Variants in CEP290 observed in about 807,000 individuals in gnomAD.
CEP290 encodes centrosomal protein 290, also known as centrosomal protein of 290 kDa.
Under a neutral mutation model 344.9 loss-of-function variants are expected in CEP290, and 317 were observed. That is an observed-to-expected ratio of 0.92 (90% CI 0.84 to 1.01). The LOEUF is 1.01. CEP290 is among the 50% of genes least tolerant of loss of function. The probability of loss-of-function intolerance (pLI) is 0.00; values close to 1 mark genes in which losing one functional copy is unlikely to be tolerated. For synonymous variants in CEP290, 932 were observed against 895.8 expected (o/e 1.04, Z -0.72); for missense variants, 2,754 against 2,761.4 (o/e 1.00, Z 0.06).
chr12:88,051,807 C>T (rs2033567927), intron 52 of CEP290: 1 of 152,068 alleles, frequency 6.6e-6, no homozygotes, highest in Admixed American at 6.6e-5. Context: ...ATTTTCCTCA[C>T]ATCAACAGCA....
chr12:88,130,481 C>T, intron 8 of CEP290, 61 bp from the exon 9 acceptor site: 1 of 1,594,778 alleles, frequency 6.3e-7, no homozygotes, highest in Non-Finnish European at 8.5e-7. Context: ...AAATCATATC[C>T]TCTAAATAGT....
chr12:88,075,882 C>T lies in CEP290; in HGVS notation c.5709+1340G>A, dbSNP rs60402355. ...GATGTGATGGCTTACAAAAGACTTC[C>T]GCATATCATATCATTTTATGTAAAA... is the stretch of plus-strand genomic sequence containing the variant. On this transcript the variant is annotated intron_variant, in intron 41 of 53. Coordinates refer to ENST00000552810, the MANE Select transcript of CEP290 (RefSeq NM_025114.4). Among the ~76,000 whole-genome samples, 1,244 of 152,124 alleles carry T rather than the reference C, an allele frequency of 8.2e-3. 21 individuals are homozygous for T. The highest frequency in any genetic ancestry group is 0.029 in the African/African-American group (1,194 of 41,510).
At chr12:88,116,271 G>C (rs1446472643) in intron 18 of CEP290, among the ~76,000 whole-genome samples, 1 of 152,124 alleles carries the variant, frequency 6.6e-6, no homozygotes, top group Non-Finnish European at 1.5e-5. Flanking sequence ...TAGATTTCTT[G>C]AAGACTGCAG....
In CEP290 at chr12:88,116,708, C is replaced by G. The variant is rs565847579; in HGVS notation, c.1824+325G>C. Among the ~76,000 whole-genome samples, 43 of 152,318 alleles carry G rather than the reference C, an allele frequency of 2.8e-4. 1 individual carries two copies. Among genetic ancestry groups the G allele is most frequent in the African/African-American group, 9.9e-4 (41 of 41,576 alleles). Reference sequence around the variant, plus strand: ...ATATTTTCCTGGCCGGGCGCGGTGGCTCACGCCTGTAATCCCAGCACTTTG... The same window carrying G: ...ATATTTTCCTGGCCGGGCGCGGTGGGTCACGCCTGTAATCCCAGCACTTTG... On this transcript the variant is annotated intron_variant, in intron 18 of 53. Transcript: ENST00000552810.
At chr12:88,089,949 A>T (rs1306519140) in intron 30 of CEP290, among the ~76,000 whole-genome samples, 6 of 151,660 alleles carry the variant, frequency 4.0e-5, no homozygotes, top group African/African-American at 1.5e-4. Context: ...CTGGTCTCGA[A>T]CTCCTGACCT....
chr12:88,108,799 G>C (rs1375700171), intron 23 of CEP290, among the ~76,000 whole-genome samples: 1 of 152,126 alleles, frequency 6.6e-6, no homozygotes, highest in African/African-American at 2.4e-5. Context: ...CTGAGACACA[G>C]ATAGGTAAGA....
chr12:88,124,872 T>C (rs1455885007), intron 13 of CEP290, among the ~76,000 whole-genome samples: 1 of 152,060 alleles, frequency 6.6e-6, no homozygotes, highest in Non-Finnish European at 1.5e-5. Flanking sequence ...AAGATTAATG[T>C]GAAATTACCT....
At chr12:88,104,641 T>A (rs1169348158) in intron 25 of CEP290, among the ~76,000 whole-genome samples, 2 of 151,904 alleles carry the variant, frequency 1.3e-5, no homozygotes, top group African/African-American at 4.8e-5. Flanking sequence ...ATGTATAACA[T>A]AACCGCATGA....
At position 88,049,465 on chromosome 12, in the gene CEP290, T is replaced by C. The variant is rs2033265056; in HGVS notation, c.7210-51A>G. 1.8e-5 allele frequency: 17 copies of C among 956,436 alleles called. No individual in the cohort carries two copies. In the South Asian group the frequency reaches 2.7e-4, roughly 15 times the overall value. The allele number at this position is 956,436 out of a possible 1,614,324, so 59.2% of individuals were successfully genotyped here. ...TTGCATATAGGAAATATACATATTT[T>C]ACGTTTGAACAAGGAGATTTAATTG... is the stretch of plus-strand genomic sequence containing the variant. On this transcript the variant is annotated intron_variant, in intron 53 of 53. Coordinates refer to ENST00000552810, the MANE Select transcript of CEP290 (RefSeq NM_025114.4).
At chr12:88,136,578 C>T (rs2138211983) in intron 6 of CEP290, 65 bp downstream of exon 6, 2 of 1,455,950 alleles carry the variant, frequency 1.4e-6, no homozygotes, top group East Asian at 4.5e-5. Flanking sequence ...GATATTGTTA[C>T]CAATAATAAT....
chr12:88,069,082 G>A (rs528963642), intron 43 of CEP290, among the ~76,000 whole-genome samples: 12 of 152,094 alleles, frequency 7.9e-5, no homozygotes, highest in Non-Finnish European at 8.8e-5. Flanking sequence ...AACACTTCAA[G>A]TCTAAAAACA....
rs547665147 is a variant in CEP290, at chr12:88,130,323, C to T, written c.614G>A (p.Arg205Gln). 1.4e-5 allele frequency: 22 copies of T among 1,607,776 alleles called. No homozygotes were observed. Among genetic ancestry groups the T allele is most frequent in the East Asian group, 6.7e-5 (3 of 44,542 alleles). The change falls in exon 9 of 54, where the codon CGA becomes CAA. Residue 205 changes from arginine (R) to glutamine (Q), a missense_variant. Coordinates refer to ENST00000552810, the MANE Select transcript of CEP290 (RefSeq NM_025114.4). ...ATAGTTTTTTTTAGACAACTGTGAT[C>T]GGTAGTCACTGTCTTCCCCTCTTCT... ...LSRRGEDSDY[R>Q]SQLSKKNYEL...
rs765228800 is a variant in CEP290, at chr12:88,141,350, T to C, written c.-27-16A>G. The C allele has an allele frequency of 1.1e-5, 15 of 1,304,838 alleles. No homozygotes were observed. In the African/African-American group the frequency reaches 2.1e-4, roughly 18 times the overall value. 80.8% of individuals were successfully genotyped at this position (1,304,838 alleles called of 1,614,324 possible). On this transcript the variant is annotated splice_polypyrimidine_tract_variant and intron_variant, in intron 1 of 53. Coordinates refer to ENST00000552810, the MANE Select transcript of CEP290 (RefSeq NM_025114.4). Reference sequence around the variant, plus strand: ...TGCTCCACCTCTGTAACAAAACAGGTGTATATTAGCATTTTCAAGGTACAC... The same window carrying C: ...TGCTCCACCTCTGTAACAAAACAGGCGTATATTAGCATTTTCAAGGTACAC...
chr12:88,063,965 A>C lies in CEP290; in HGVS notation c.6270+16T>G, dbSNP rs768136140. On this transcript the variant is annotated intron_variant, in intron 45 of 53. Transcript: ENST00000552810. ...TTTTAGGCATTAGATTTCCTAATAA[A>C]AAACATTAAATTCACCTTTAATCTT... 5 of 1,576,484 alleles carry C rather than the reference A, an allele frequency of 3.2e-6. No homozygotes were observed. The highest frequency in any genetic ancestry group is 1.8e-4 in the Middle Eastern group (1 of 5,470).
chr12:88,084,980 C>T (rs1434324314), intron 34 of CEP290, 128 bp from the exon 35 acceptor site: 2 of 667,610 alleles, frequency 3.0e-6, no homozygotes, highest in East Asian at 2.9e-5. Flanking sequence ...GTACAATAGC[C>T]ATTTGATACT....
In CEP290 at chr12:88,060,026, A is replaced by G. The variant is rs794727692; in HGVS notation, c.6523-6T>C. The stretch of plus-strand genomic sequence containing the variant: ...TTAAGTTTTTCTAATTCAGCCTAGT[A>G]AAAAAACAAACAAAATAAAAAGTAT... On this transcript the variant is annotated splice_region_variant and splice_polypyrimidine_tract_variant and intron_variant, in intron 47 of 53. Transcript: ENST00000552810. 5.9e-6 allele frequency: 9 copies of G among 1,528,450 alleles called. No individual in the cohort carries two copies. In the African/African-American group the frequency reaches 8.4e-5, roughly 14 times the overall value. 94.7% of individuals were successfully genotyped at this position (1,528,450 alleles called of 1,614,324 possible).
At chr12:88,059,095 A>T in intron 48 of CEP290, 75 bp from the exon 49 acceptor site, 2 of 1,247,652 alleles carry the variant, frequency 1.6e-6, no homozygotes, top group Non-Finnish European at 2.2e-6. Flanking sequence ...ATTCAAAATT[A>T]TCATTACAAA....
intron 6 of CEP290, among the ~76,000 whole-genome samples, chr12:88,131,708 A>C (rs2040084136): frequency 6.6e-6 from 1 of 152,206 alleles, no homozygotes; most frequent in Admixed American, 6.5e-5. Context: ...TTCAAAACTT[A>C]AGGATTTAAG....
intron 43 of CEP290, among the ~76,000 whole-genome samples, chr12:88,068,895 A>T (rs550897450): frequency 2.6e-5 from 4 of 152,286 alleles, no homozygotes; most frequent in African/African-American, 7.2e-5. Context: ...ATTTTGATTT[A>T]CTGAAATACA....
Sources: gnomAD v4.1 joint callset for allele counts (sites outside exome capture counted in the v4.1 genomes callset) on GRCh38, gnomAD v4.1.1 for gene constraint, MANE v1.5 for transcripts, NCBI Gene and HGNC (gene_info 2026-07-23, HGNC 2026-07-21) for gene names.